The following KIF1B variants were observed in gnomAD, a reference collection of about 807,000 sequenced individuals.
KIF1B encodes the protein kinesin-like protein KIF1B.
In KIF1B, 76 loss-of-function variants were observed where a neutral mutation model predicts 241.9. The ratio of observed to expected loss-of-function variants is 0.31; its 90% CI spans 0.26 to 0.38. The LOEUF (loss-of-function observed/expected upper bound fraction) is 0.38. Ranked by LOEUF, KIF1B falls within the 10% of genes least tolerant of loss-of-function variation. The pLI is 1.00. For missense variants in KIF1B, 1,622 were observed against 2,271.4 expected (o/e 0.71, Z 5.81); for synonymous variants, 750 against 796.7 (o/e 0.94, Z 0.99).
At chr1:10,228,425 G>A (rs1031210822) in intron 1 of KIF1B, among the ~76,000 whole-genome samples, 13 of 152,210 alleles carry the variant, frequency 8.5e-5, no homozygotes, top group African/African-American at 2.9e-4. Flanking sequence ...TCAATTTGCA[G>A]TATTTTTTAC....
chr1:10,258,358 A>G, intron 3 of KIF1B, 135 bp from the exon 4 acceptor site: 1 of 807,956 alleles, frequency 1.2e-6, no homozygotes, highest in Non-Finnish European at 2.0e-6. Flanking sequence ...ACTTGTGTAT[A>G]GGAGGCTTAA....
At chr1:10,218,475 C>T (rs1042704360) in intron 1 of KIF1B, among the ~76,000 whole-genome samples, 1 of 151,690 alleles carries the variant, frequency 6.6e-6, no homozygotes, top group Non-Finnish European at 1.5e-5. Flanking sequence ...GGCTAGAGTG[C>T]AGTGGTGTGA....
intron 22 of KIF1B, chr1:10,308,170 A>G (rs1650918450): frequency 9.4e-7 from 1 of 1,062,190 alleles, no homozygotes; most frequent in Non-Finnish European, 1.1e-6. Context: ...AATGATTTGT[A>G]CAAATGACTG....
chr1:10,224,116 T>C (rs1646880749), intron 1 of KIF1B, among the ~76,000 whole-genome samples: 1 of 151,832 alleles, frequency 6.6e-6, no homozygotes, highest in African/African-American at 2.4e-5. Context: ...CTGACCGTGG[T>C]TTTTGTTTGT....
chr1:10,324,142 CCT>C, intron 25 of KIF1B, 80 bp downstream of exon 25: 1 of 1,372,488 alleles, frequency 7.3e-7, no homozygotes, highest in Non-Finnish European at 1.0e-6. Context: ...CTCCAGCTCT[CCT>C]CTCTCTGAGG....
chr1:10,377,620 T>C lies in KIF1B; in HGVS notation c.*1033T>C. The C allele has an allele frequency of 4.8e-6, 1 of 208,962 alleles. No individual in the cohort carries two copies. The highest frequency in any genetic ancestry group is 9.7e-6 in the Non-Finnish European group (1 of 102,764). The allele number at this position is 208,962 out of a possible 1,614,324, so 12.9% of individuals were successfully genotyped here. A position where few individuals can be genotyped will look rare whatever the true frequency, so the allele number is the denominator to read the frequency against. Reference sequence around the variant, plus strand: ...AGTGTTTCACTTTCTGGTGATAAACTTGATGGTCATTGTTATGATTAAGAT... The same window carrying C: ...AGTGTTTCACTTTCTGGTGATAAACCTGATGGTCATTGTTATGATTAAGAT... On this transcript the variant is annotated 3_prime_UTR_variant, in exon 49 of 49. Transcript: ENST00000676179.
intron 1 of KIF1B, among the ~76,000 whole-genome samples, chr1:10,224,291 T>C (rs969610170): frequency 6.6e-6 from 1 of 152,128 alleles, no homozygotes; most frequent in African/African-American, 2.4e-5. Flanking sequence ...TAATTTTTTG[T>C]ATTTTTAGTA....
At chr1:10,324,197 G>A (rs1651633689) in intron 25 of KIF1B, 135 bp downstream of exon 25, 2 of 847,656 alleles carry the variant, frequency 2.4e-6, no homozygotes, top group African/African-American at 1.7e-5. Context: ...TGCTGTTGTT[G>A]GCCAATGGTA....
At chr1:10,262,155 G>A (rs1350990702) in intron 5 of KIF1B, among the ~76,000 whole-genome samples, 185 bp downstream of exon 5, 1 of 151,826 alleles carries the variant, frequency 6.6e-6, no homozygotes, top group Admixed American at 6.6e-5. Flanking sequence ...TTTTTTGGGG[G>A]GTGCGCGGTG....
At chr1:10,294,592 G>A (rs1410049075) in intron 17 of KIF1B, among the ~76,000 whole-genome samples, 2 of 152,140 alleles carry the variant, frequency 1.3e-5, no homozygotes, top group African/African-American at 4.8e-5. Flanking sequence ...GGAATGCCAG[G>A]CACAGTGGCT....
At position 10,365,708 on chromosome 1, in the gene KIF1B, C is replaced by A; in HGVS notation, c.4752+60C>A. The A allele has an allele frequency of 6.2e-7, 1 of 1,607,778 alleles. No individual in the cohort carries two copies. Among genetic ancestry groups the A allele is most frequent in the South Asian group, 1.1e-5 (1 of 90,806 alleles). ...CACAAGGCTCCACAAACTAGCCTCTCGGTTTATTCATTTTCAACACCTTTG... is the reference window on the plus strand; with the variant it reads ...CACAAGGCTCCACAAACTAGCCTCTAGGTTTATTCATTTTCAACACCTTTG... On this transcript the variant is annotated intron_variant, in intron 43 of 48. Transcript: ENST00000676179. The surrounding 1 kb of genome is among the most constrained non-coding windows in gnomAD (Gnocchi z 4.0).
rs771891729 is a variant in KIF1B at position 10,276,364 on chromosome 1, G to A, written c.1002G>A (p.Ala334=). 1.9e-5 allele frequency: 30 copies of A among 1,613,642 alleles called. No individual in the cohort carries two copies. Among genetic ancestry groups the A allele is most frequent in the African/African-American group, 5.3e-5 (4 of 74,860 alleles). ...RTAMVAALSP[A]DINYDETLST... ...CAATGGTTGCTGCTCTGAGCCCCGC[G>A]GATATCAACTACGATGAGACTTTGA... The change falls in exon 12 of 49, where the codon GCG becomes GCA. Residue 334 remains alanine (A), a synonymous_variant. Coordinates refer to ENST00000676179, the MANE Select transcript of KIF1B (RefSeq NM_001365951.3).
chr1:10,375,498 C>A lies in KIF1B; in HGVS notation c.5408+125C>A, dbSNP rs568170761. On this transcript the variant is annotated intron_variant, in intron 48 of 48. Transcript: ENST00000676179. ...CCCCTGGTTCAAGCGATTCTCCTGA[C>A]TCAGCCTCCCCAGTAGCTGAGACTA... is the stretch of plus-strand genomic sequence containing the variant. 5.3e-3 allele frequency: 4,148 copies of A among 776,806 alleles called. 20 individuals carry two copies. The highest frequency in any genetic ancestry group is 7.7e-3 in the Non-Finnish European group (3,377 of 439,346). 48.1% of individuals were successfully genotyped at this position (776,806 alleles called of 1,614,324 possible).
At chr1:10,338,413 A>G (rs987397148) in intron 31 of KIF1B, among the ~76,000 whole-genome samples, 11 of 152,198 alleles carry the variant, frequency 7.2e-5, no homozygotes, top group African/African-American at 2.7e-4. Flanking sequence ...CATTTGCTAC[A>G]AGTCATAGTT....
chr1:10,257,905 A>G (rs1647893589), intron 3 of KIF1B, among the ~76,000 whole-genome samples: 1 of 151,992 alleles, frequency 6.6e-6, no homozygotes, highest in Non-Finnish European at 1.5e-5. Flanking sequence ...TCGAATTCCT[A>G]TCCTCAAGTG....
Position 10,381,284 on chromosome 1 carries a change from A to G in KIF1B, c.*4697A>G, listed in dbSNP as rs886045015. 3.5e-5 allele frequency: 8 copies of G among 226,326 alleles called. No homozygotes were observed. The highest frequency in any genetic ancestry group is 1.8e-4 in the South Asian group (1 of 5,462). The allele number at this position is 226,326 out of a possible 1,614,324, so 14.0% of individuals were successfully genotyped here. On this transcript the variant is annotated 3_prime_UTR_variant, in exon 49 of 49. Coordinates refer to ENST00000676179, the MANE Select transcript of KIF1B (RefSeq NM_001365951.3). ...ATCCTCACACATGACAACAAAACCC[A>G]TAATGCATAAGTGGCCTTTTTGAAC...
At chr1:10,249,081 C>T (rs377047655) in intron 2 of KIF1B, among the ~76,000 whole-genome samples, 19 of 152,358 alleles carry the variant, frequency 1.2e-4, no homozygotes, top group African/African-American at 3.8e-4. Context: ...AAAGTGGCGA[C>T]TTGTCCTAGA....
intron 43 of KIF1B, among the ~76,000 whole-genome samples, chr1:10,368,088 T>C (rs1431630765): frequency 6.6e-6 from 1 of 152,156 alleles, no homozygotes; most frequent in Non-Finnish European, 1.5e-5. Flanking sequence ...TTTAAGCCAC[T>C]TGCTTTATCT....
In KIF1B at chr1:10,347,805, A is replaced by C; in HGVS notation, c.3842A>C (p.Gln1281Pro). The C allele has an allele frequency of 1.2e-6, 2 of 1,613,368 alleles. 1 individual carries two copies. Residue 1281 changes from glutamine (Q) to proline (P), a missense_variant, in exon 36 of 49, where the codon CAG becomes CCG. Around this residue, in one of 7 missense-constraint regions of KIF1B, gnomAD observed 803 missense variants for 1,112.0 expected, o/e 0.72. Transcript: ENST00000676179. ...VVDHTAGLPCQGTFLLHQGIQ... is the reference protein window; with the variant it reads ...VVDHTAGLPCPGTFLLHQGIQ... ...GACCACACAGCAGGCTTGCCTTGCCAGGGGACATTTTTGCTTCATCAGGTA... is the reference window on the plus strand; with the variant it reads ...GACCACACAGCAGGCTTGCCTTGCCCGGGGACATTTTTGCTTCATCAGGTA...
Sources: allele counts gnomAD v4.1 joint callset (sites outside exome capture counted in the v4.1 genomes callset), GRCh38; gene constraint gnomAD v4.1.1; regional missense constraint gnomAD v4.1.1; non-coding constraint Gnocchi (gnomAD v3.1); transcripts MANE v1.5; gene names NCBI Gene and HGNC (gene_info 2026-07-23, HGNC 2026-07-21).